SLC12A6: variants seen among roughly 807,000 people sequenced by gnomAD.
SLC12A6 encodes solute carrier family 12 member 6.
In SLC12A6, 66 loss-of-function variants were observed where a neutral mutation model predicts 135.3. The observed-to-expected ratio is 0.49, with a 90% CI of 0.40 to 0.60. SLC12A6 has a LOEUF of 0.60. Ranked by LOEUF, SLC12A6 falls within the 20% of genes least tolerant of loss-of-function variation. The pLI is 0.00. For missense variants in SLC12A6, 1,058 were observed against 1,452.3 expected (o/e 0.73, Z 4.41); for synonymous variants, 513 against 508.8 (o/e 1.01, Z -0.11).
chr15:34,302,134 T>C (rs7176138), intron 2 of SLC12A6, among the ~76,000 whole-genome samples: 5,971 of 152,236 alleles, frequency 0.039, 219 homozygotes, highest in African/African-American at 0.099. Context: ...TTATACAACC[T>C]ATGGTTGTAA....
intron 2 of SLC12A6, among the ~76,000 whole-genome samples, chr15:34,307,684 G>C (rs1370401033): frequency 6.6e-6 from 1 of 152,126 alleles, no homozygotes; most frequent in Non-Finnish European, 1.5e-5. Context: ...AAATAAGTAT[G>C]AACTTGGTCT....
At position 34,232,817 on chromosome 15, in the gene SLC12A6, G is replaced by A. The variant is rs1292029284; in HGVS notation, c.*1064C>T. On this transcript the variant is annotated 3_prime_UTR_variant, in exon 26 of 26. Coordinates refer to ENST00000354181, the MANE Select transcript of SLC12A6 (RefSeq NM_001365088.1). Reference sequence around the variant, plus strand: ...ACGTTGGCACTAAAGAAAGAGTGTGGCTCTAGAACTTCCAATTCCATTGCT... The same window carrying A: ...ACGTTGGCACTAAAGAAAGAGTGTGACTCTAGAACTTCCAATTCCATTGCT... 6.6e-6 allele frequency: 1 copy of A among 152,178 alleles called. No homozygotes were observed. The highest frequency in any genetic ancestry group is 1.5e-5 in the Non-Finnish European group (1 of 67,894). 9.4% of individuals were successfully genotyped at this position (152,178 alleles called of 1,614,324 possible). A position where few individuals can be genotyped will look rare whatever the true frequency, so the allele number is the denominator to read the frequency against.
intron 6 of SLC12A6, 47 bp downstream of exon 6, chr15:34,257,595 G>T (rs1168763825): frequency 2.0e-6 from 3 of 1,534,588 alleles, no homozygotes; most frequent in African/African-American, 2.7e-5. Flanking sequence ...CTGCTCTTGA[G>T]AACTTGCAAC....
At chr15:34,322,803 C>A (rs1439801198) in intron 2 of SLC12A6, among the ~76,000 whole-genome samples, 1 of 151,372 alleles carries the variant, frequency 6.6e-6, no homozygotes, top group African/African-American at 2.4e-5. Context: ...CATTGTGAAA[C>A]CCCGTCTCCA....
Position 34,233,932 on chromosome 15 carries a change from T to A in SLC12A6, c.3402A>T (p.Arg1134=), listed in dbSNP as rs750825269. Reference sequence around the variant, plus strand: ...TGCCACCACCCCGGACAAGTAGGACTCGCTCTAGTCCCTCGGTAAGCACCT... The same window carrying A: ...TGCCACCACCCCGGACAAGTAGGACACGCTCTAGTCCCTCGGTAAGCACCT... ...FLEVLTEGLE[R]VLLVRGGGSE... Residue 1134 remains arginine, a synonymous_variant, in exon 26 of 26, where the codon CGA becomes CGT. Coordinates refer to ENST00000354181, the MANE Select transcript of SLC12A6 (RefSeq NM_001365088.1). 4 of 1,607,666 alleles carry A rather than the reference T, an allele frequency of 2.5e-6. No homozygotes were observed. The highest frequency in any genetic ancestry group is 3.3e-5 in the Admixed American group (2 of 59,994).
chr15:34,245,443 G>A, intron 14 of SLC12A6, 40 bp from the exon 15 acceptor site: 1 of 1,157,966 alleles, frequency 8.6e-7, no homozygotes. Flanking sequence ...GGAGTACTGA[G>A]TCATTGCTCT....
intron 3 of SLC12A6, among the ~76,000 whole-genome samples, chr15:34,270,664 G>T (rs1476185571): frequency 6.6e-6 from 1 of 151,992 alleles, no homozygotes; most frequent in East Asian, 1.9e-4. Context: ...TTAGCCAGGT[G>T]TGATGGTGGG....
At chr15:34,334,945 C>T (rs1277444392) in intron 2 of SLC12A6, among the ~76,000 whole-genome samples, 1 of 152,104 alleles carries the variant, frequency 6.6e-6, no homozygotes, top group Non-Finnish European at 1.5e-5. Flanking sequence ...AATAAAAATA[C>T]AATTCTGTAA....
chr15:34,236,303 A>G, intron 23 of SLC12A6, 104 bp from the exon 24 acceptor site: 1 of 837,950 alleles, frequency 1.2e-6, no homozygotes, highest in Non-Finnish European at 2.0e-6. Flanking sequence ...TAACTGACAG[A>G]GTGAGAAGGA....
chr15:34,294,147 C>T (rs758023473), intron 2 of SLC12A6, among the ~76,000 whole-genome samples: 2 of 152,152 alleles, frequency 1.3e-5, no homozygotes, highest in Non-Finnish European at 2.9e-5. Context: ...ACTTATGAAG[C>T]AATATCTATA....
At position 34,331,639 on chromosome 15, in the gene SLC12A6, G is replaced by A. The variant is rs531390460; in HGVS notation, c.271+4771C>T. ...TGTGATATCACATATTACACTAGGT[G>A]TAAATGATTTTGTATCCTTGTCCTC... is the stretch of plus-strand genomic sequence containing the variant. On this transcript the variant is annotated intron_variant, in intron 2 of 25. Transcript: ENST00000354181. Among the ~76,000 whole-genome samples, 10 of 152,266 alleles carry A rather than the reference G, an allele frequency of 6.6e-5. No homozygotes were observed. The South Asian group carries it at 1.2e-3, about 19-fold the overall frequency.
At chr15:34,317,070 C>T (rs764416698) in intron 2 of SLC12A6, among the ~76,000 whole-genome samples, 1 of 152,132 alleles carries the variant, frequency 6.6e-6, no homozygotes, top group Non-Finnish European at 1.5e-5. Context: ...TGAGACAGAA[C>T]CTAATTGAGC....
intron 16 of SLC12A6, among the ~76,000 whole-genome samples, chr15:34,242,664 T>A (rs942945828): frequency 2.0e-5 from 3 of 152,192 alleles, no homozygotes; most frequent in Non-Finnish European, 2.9e-5. Context: ...AGGATCTTTT[T>A]AAAAAATTTC....
intron 2 of SLC12A6, among the ~76,000 whole-genome samples, chr15:34,332,675 T>C (rs1472338441): frequency 6.6e-6 from 1 of 151,668 alleles, no homozygotes; most frequent in African/African-American, 2.4e-5. Context: ...CCCAGCTACT[T>C]GGGAGGCTGA....
rs1207806089 is a variant in SLC12A6, at chr15:34,230,067, G to A, written c.*3814C>T. ...AACAACAACAAAAAAACATAACTAT[G>A]TAAACAAGAGAATAACTGCTGCTAA... On this transcript the variant is annotated 3_prime_UTR_variant, in exon 26 of 26. Transcript: ENST00000354181. The A allele has an allele frequency of 2.4e-6, 1 of 423,280 alleles. No individual in the cohort carries two copies. Among genetic ancestry groups the A allele is most frequent in the Non-Finnish European group, 4.2e-6 (1 of 239,700 alleles). The allele number at this position is 423,280 out of a possible 1,614,324, so 26.2% of individuals were successfully genotyped here.
At chr15:34,274,847 C>T (rs2140885692) in intron 3 of SLC12A6, among the ~76,000 whole-genome samples, 1 of 152,098 alleles carries the variant, frequency 6.6e-6, no homozygotes, top group Middle Eastern at 3.4e-3. Flanking sequence ...AAATTATGCA[C>T]TTACTTTAAA....
chr15:34,287,496 A>G (rs1251296145), intron 2 of SLC12A6, among the ~76,000 whole-genome samples: 1 of 152,190 alleles, frequency 6.6e-6, no homozygotes, highest in Admixed American at 6.5e-5. Flanking sequence ...TATGCCCAGT[A>G]ATGGGATTGC....
Position 34,336,478 on chromosome 15 carries a change from G to A in SLC12A6, c.203C>T (p.Thr68Ile). The A allele has an allele frequency of 6.2e-7, 1 of 1,613,560 alleles. No individual in the cohort carries two copies. The change falls in exon 2 of 26, where the codon ACT becomes ATT. Residue 68 changes from threonine to isoleucine, a missense_variant. Transcript: ENST00000354181. ...ATCCAGTGCAACAGTTGCCAGCGAA[G>A]TGGTGGCCCCAGACATCTCACTCAT... ...EPMSEMSGAT[T>I]SLATVALDPP...
chr15:34,317,195 T>A (rs1888710531), intron 2 of SLC12A6, among the ~76,000 whole-genome samples: 1 of 152,192 alleles, frequency 6.6e-6, no homozygotes, highest in Non-Finnish European at 1.5e-5. Context: ...AGAGTTTACA[T>A]AAAATCTTTT....
Sources: allele counts gnomAD v4.1 joint callset (sites outside exome capture counted in the v4.1 genomes callset), GRCh38; gene constraint gnomAD v4.1.1; transcripts MANE v1.5; gene names NCBI Gene and HGNC (gene_info 2026-07-23, HGNC 2026-07-21).